ANO5: variants seen among roughly 807,000 people sequenced by gnomAD.
The protein encoded by ANO5 is anoctamin-5.
A neutral mutation model predicts 121.0 loss-of-function variants in ANO5; 109 were observed. The ratio of observed to expected loss-of-function variants is 0.90; its 90% CI spans 0.77 to 1.06. The LOEUF is 1.06. Among genes scored for constraint, ANO5 ranks in the 50% least tolerant of loss-of-function variants. The pLI, the probability that ANO5 is intolerant of heterozygous loss-of-function variation, is 0.00. For missense variants in ANO5, 1,064 were observed against 1,078.5 expected (o/e 0.99, Z 0.19); for synonymous variants, 406 against 359.9 (o/e 1.13, Z -1.45).
chr11:22,199,964 A>T (rs151279443), intron 1 of ANO5, among the ~76,000 whole-genome samples: 2 of 152,132 alleles, frequency 1.3e-5, no homozygotes. Flanking sequence ...ATTAAAATCT[A>T]TTGGTCTGTC....
At chr11:22,270,147 C>T (rs1028037879) in intron 17 of ANO5, among the ~76,000 whole-genome samples, 165 bp from the exon 18 acceptor site, 2 of 152,198 alleles carry the variant, frequency 1.3e-5, no homozygotes, top group African/African-American at 4.8e-5. Context: ...ATGAAAAGAA[C>T]ACCAGATTTT....
intron 1 of ANO5, among the ~76,000 whole-genome samples, chr11:22,198,583 AT>A (rs140756646): frequency 2.3e-4 from 35 of 152,298 alleles, no homozygotes; most frequent in Non-Finnish European, 4.9e-4. Flanking sequence ...AACAAAAATA[AT>A]TAGGAAAAAG....
At position 22,280,792 on chromosome 11, in the gene ANO5, C is replaced by T. The variant is rs1261076079; in HGVS notation, c.*1027C>T. On this transcript the variant is annotated 3_prime_UTR_variant, in exon 22 of 22. Coordinates refer to ENST00000324559, the MANE Select transcript of ANO5 (RefSeq NM_213599.3). ...TATTGATGTATCATCTTATACAATG[C>T]TCAGTGCCTTGTTCCAATACCTCTG... 2 of 151,900 alleles carry T rather than the reference C, an allele frequency of 1.3e-5. No individual in the cohort carries two copies. Among genetic ancestry groups the T allele is most frequent in the Non-Finnish European group, 2.9e-5 (2 of 67,844 alleles). The allele number at this position is 151,900 out of a possible 1,614,324, so 9.4% of individuals were successfully genotyped here.
At chr11:22,241,181 C>A (rs1044274932) in intron 9 of ANO5, among the ~76,000 whole-genome samples, 6 of 29,562 alleles carry the variant, frequency 2.0e-4, no homozygotes, top group African/African-American at 1.3e-3. Context: ...CCCTCTCCCA[C>A]ACTACCTCCT....
chr11:22,249,308 G>A (rs1039880222), intron 9 of ANO5, among the ~76,000 whole-genome samples: 2 of 151,992 alleles, frequency 1.3e-5, no homozygotes, highest in African/African-American at 4.8e-5. Flanking sequence ...GTTCAGATAT[G>A]TGTTCTTGTT....
At chr11:22,248,842 A>T (rs1426235663) in intron 9 of ANO5, among the ~76,000 whole-genome samples, 2 of 152,018 alleles carry the variant, frequency 1.3e-5, no homozygotes, top group Admixed American at 6.5e-5. Context: ...TGTTGATATT[A>T]TATTTCTAAT....
In ANO5 at chr11:22,270,446, A is replaced by AT. The variant is rs1225573158; in HGVS notation, c.2029+9dup. 3.7e-6 allele frequency: 6 copies of AT among 1,613,886 alleles called. No individual in the cohort carries two copies. The highest frequency in any genetic ancestry group is 5.1e-6 in the Non-Finnish European group (6 of 1,179,954). On this transcript the variant is annotated splice_donor_region_variant and intron_variant, in intron 18 of 21. Transcript: ENST00000324559. ...TTCTATGAGTACTTAGAAACAGGTA[A>AT]TTTTTAACCACTGTTTTGAAACATA...
intron 17 of ANO5, 60 bp from the exon 18 acceptor site, chr11:22,270,252 T>C: frequency 6.3e-7 from 1 of 1,593,848 alleles, no homozygotes; most frequent in Non-Finnish European, 8.6e-7. Flanking sequence ...AACACTCTGA[T>C]TCTCTGATCG....
intron 19 of ANO5, 78 bp from the exon 20 acceptor site, chr11:22,274,491 T>C: frequency 1.5e-6 from 2 of 1,293,156 alleles, no homozygotes; most frequent in Admixed American, 2.3e-5. Flanking sequence ...TTTATGGTAC[T>C]GAGAGATGTA....
At chr11:22,278,255 T>C (rs564513054) in intron 21 of ANO5, among the ~76,000 whole-genome samples, 5 of 151,812 alleles carry the variant, frequency 3.3e-5, no homozygotes, top group Admixed American at 6.6e-5. Flanking sequence ...TCAATATTCA[T>C]TGTTTTAAAC....
chr11:22,204,041 T>C (rs935046098), intron 2 of ANO5, among the ~76,000 whole-genome samples, 191 bp downstream of exon 2: 5 of 152,104 alleles, frequency 3.3e-5, no homozygotes, highest in African/African-American at 4.8e-5. Context: ...CTAGATGTTA[T>C]AAGGGAACAA....
rs548905648 is a variant in ANO5 at position 22,200,846 on chromosome 11, AG to A, written c.41-2956del. Among the ~76,000 whole-genome samples the A allele has an allele frequency of 2.4e-3, 372 of 152,268 alleles. 2 individuals carry two copies. The highest frequency in any genetic ancestry group is 0.02 in the Middle Eastern group (6 of 294). On this transcript the variant is annotated intron_variant, in intron 1 of 21. Coordinates refer to ENST00000324559, the MANE Select transcript of ANO5 (RefSeq NM_213599.3). ...GACAGTACTTTAAAATTGCTGATATAGGATTTGAATTATCACCTAGAAGGAG... is the reference window on the plus strand; with the variant it reads ...GACAGTACTTTAAAATTGCTGATATAGATTTGAATTATCACCTAGAAGGAG...
intron 18 of ANO5, among the ~76,000 whole-genome samples, chr11:22,271,517 TA>T (rs1317335521): frequency 2.0e-5 from 3 of 152,242 alleles, no homozygotes; most frequent in Non-Finnish European, 2.9e-5. Context: ...TAAAATCAGA[TA>T]ATCTTTGCCT....
rs916875218 is a variant in ANO5, at chr11:22,250,489, C to T, written c.1013+118C>T. On this transcript the variant is annotated intron_variant, in intron 10 of 21. Coordinates refer to ENST00000324559, the MANE Select transcript of ANO5 (RefSeq NM_213599.3). ...ATGTTTCCTTATAGCAGCAGATAAT[C>T]GATATTTTCCAAAAACTACTCAAAC... The T allele has an allele frequency of 3.2e-5, 45 of 1,405,532 alleles. No individual in the cohort carries two copies. In the South Asian group the frequency reaches 3.6e-4, roughly 11 times the overall value. 87.1% of individuals were successfully genotyped at this position (1,405,532 alleles called of 1,614,324 possible). A position where few individuals can be genotyped will look rare whatever the true frequency, so the allele number is the denominator to read the frequency against.
In ANO5 at chr11:22,227,568, C is replaced by A. The variant is rs1852885767; in HGVS notation, c.630C>A (p.Ser210=). The A allele has an allele frequency of 1.2e-6, 2 of 1,613,232 alleles. No homozygotes were observed. Among genetic ancestry groups the A allele is most frequent in the South Asian group, 2.2e-5 (2 of 91,074 alleles). ...AAGATCAGGCAACCTTCTTTCCATCCTCATCAAGAAACAGAATTGTAGGTA... is the reference window on the plus strand; with the variant it reads ...AAGATCAGGCAACCTTCTTTCCATCATCATCAAGAAACAGAATTGTAGGTA... ...LIEDQATFFP[S]SSRNRIVYYI... The change falls in exon 7 of 22, where the codon TCC becomes TCA. Residue 210 remains serine (S), a synonymous_variant. Transcript: ENST00000324559.
intron 7 of ANO5, among the ~76,000 whole-genome samples, chr11:22,230,161 T>C (rs541615557): frequency 1.3e-5 from 2 of 152,082 alleles, no homozygotes; most frequent in Non-Finnish European, 1.5e-5. Context: ...TTTTTAACAT[T>C]AACAAAGCTC....
At chr11:22,228,390 T>G (rs1852917919) in intron 7 of ANO5, among the ~76,000 whole-genome samples, 1 of 152,064 alleles carries the variant, frequency 6.6e-6, no homozygotes, top group African/African-American at 2.4e-5. Context: ...ATTGTACATA[T>G]TTATGTGATA....
chr11:22,245,315 G>A (rs907994406), intron 9 of ANO5, among the ~76,000 whole-genome samples: 3 of 152,124 alleles, frequency 2.0e-5, no homozygotes, highest in Non-Finnish European at 2.9e-5. Flanking sequence ...GGATCCTGGG[G>A]GAGACCCCTC....
chr11:22,265,885 T>C (rs961057832), intron 17 of ANO5, among the ~76,000 whole-genome samples: 10 of 152,178 alleles, frequency 6.6e-5, no homozygotes, highest in African/African-American at 2.4e-4. Flanking sequence ...GGTGAAGGGA[T>C]AGTTATATAA....
Sources: allele counts gnomAD v4.1 joint callset (sites outside exome capture counted in the v4.1 genomes callset), GRCh38; gene constraint gnomAD v4.1.1; transcripts MANE v1.5; gene names NCBI Gene and HGNC (gene_info 2026-07-23, HGNC 2026-07-21).